Variants in RGS7 observed in about 807,000 individuals in gnomAD.
The protein encoded by RGS7 is regulator of G-protein signaling 7.
In RGS7, 27 loss-of-function variants were observed where a neutral mutation model predicts 81.1. The observed-to-expected ratio is 0.33, with a 90% CI of 0.25 to 0.46. The LOEUF (loss-of-function observed/expected upper bound fraction) is 0.46. RGS7 is among the 20% of genes least tolerant of loss of function. RGS7 has a pLI of 1.00. For synonymous variants in RGS7, 208 were observed against 207.7 expected, an observed-to-expected ratio of 1.00 and a Z score of -0.01; for missense variants, 396 against 607.4, an observed-to-expected ratio of 0.65 and a Z score of 3.66.
intron 6 of RGS7, among the ~76,000 whole-genome samples, chr1:240,901,918 T>C (rs1028823081): frequency 6.6e-6 from 1 of 152,252 alleles, no homozygotes; most frequent in Non-Finnish European, 1.5e-5. Context: ...CACCTAGTAA[T>C]GTATTGTTAC....
intron 6 of RGS7, among the ~76,000 whole-genome samples, chr1:240,913,355 T>C (rs1672071438): frequency 6.6e-6 from 1 of 152,214 alleles, no homozygotes; most frequent in Admixed American, 6.5e-5. Flanking sequence ...TTTTAGTCCT[T>C]GTATATATAA....
rs75926948 is a variant in RGS7 at position 240,980,654 on chromosome 1, C to A, written c.226+2425G>T. 2.0e-3 allele frequency among the ~76,000 whole-genome samples: 304 copies of A among 152,312 alleles called. 8 individuals are homozygous for A. The East Asian group carries it at 0.052, about 26-fold the overall frequency. On this transcript the variant is annotated intron_variant, in intron 4 of 18. Transcript: ENST00000440928. ...ATAATATCAGCTACATTATTAACCA[C>A]ATCAAATTGGGATCAGAATAGCCAC...
rs528002123 is a variant in RGS7 at position 241,230,124 on chromosome 1, T to C, written c.78+125575A>G. Among the ~76,000 whole-genome samples the C allele has an allele frequency of 5.3e-5, 8 of 152,204 alleles. No individual in the cohort carries two copies. The South Asian group carries it at 1.7e-3, about 31-fold the overall frequency. ...TAATATAAATCTGACTTTTCTAACC[T>C]TGCCTTATACTTCTTGGAAATTCCT... On this transcript the variant is annotated intron_variant, in intron 2 of 18. Transcript: ENST00000440928.
chr1:241,036,859 C>A lies in RGS7; in HGVS notation c.176-53730G>T, dbSNP rs1227649343. 2.6e-5 allele frequency among the ~76,000 whole-genome samples: 4 copies of A among 152,230 alleles called. No homozygotes were observed. The East Asian group carries it at 7.7e-4, about 29-fold the overall frequency. Reference sequence around the variant, plus strand: ...TTAGTCCTTCTCTATAAAAAACCTCCAAGGTGTCAACCTCCAGTTATTTTT... The same window carrying A: ...TTAGTCCTTCTCTATAAAAAACCTCAAAGGTGTCAACCTCCAGTTATTTTT... On this transcript the variant is annotated intron_variant, in intron 3 of 18. Transcript: ENST00000440928.
At chr1:240,911,810 T>C (rs1190257700) in intron 6 of RGS7, among the ~76,000 whole-genome samples, 1 of 152,112 alleles carries the variant, frequency 6.6e-6, no homozygotes, top group Non-Finnish European at 1.5e-5. Flanking sequence ...TCTATCTGAC[T>C]GTGATTTTTC....
rs1018405854 is a variant in RGS7 at position 240,930,898 on chromosome 1, T to C, written c.334-130A>G. On this transcript the variant is annotated intron_variant, in intron 5 of 18. Coordinates refer to ENST00000440928, the MANE Select transcript of RGS7 (RefSeq NM_001364886.1). ...GCTATATGTTTTATAATACAGAACA[T>C]GTTCCAAGAGAGACATTGAAAACTC... The C allele has an allele frequency of 3.8e-5, 36 of 938,850 alleles. 1 individual carries two copies. The highest frequency in any genetic ancestry group is 2.6e-4 in the African/African-American group (16 of 60,584). 58.2% of individuals were successfully genotyped at this position (938,850 alleles called of 1,614,324 possible). A position where few individuals can be genotyped will look rare whatever the true frequency, so the allele number is the denominator to read the frequency against.
intron 18 of RGS7, among the ~76,000 whole-genome samples, chr1:240,798,250 A>G (rs1687402134): frequency 6.6e-6 from 1 of 152,206 alleles, no homozygotes; most frequent in African/African-American, 2.4e-5. Flanking sequence ...GCTGTTTATT[A>G]TAATTTTTCT....
intron 2 of RGS7, among the ~76,000 whole-genome samples, chr1:241,228,485 T>C (rs940819558): frequency 5.9e-5 from 9 of 152,190 alleles, no homozygotes; most frequent in Non-Finnish European, 1.0e-4. Flanking sequence ...ACTATGGGCA[T>C]TGAGCCCGCT....
intron 2 of RGS7, among the ~76,000 whole-genome samples, chr1:241,150,796 T>C (rs757107446): frequency 7.9e-5 from 12 of 152,154 alleles, no homozygotes; most frequent in Non-Finnish European, 1.3e-4. Context: ...TTCTGCAAAC[T>C]GGAGAACCAG....
intron 2 of RGS7, among the ~76,000 whole-genome samples, chr1:241,300,569 C>T (rs1306162653): frequency 2.6e-5 from 4 of 152,240 alleles, no homozygotes; most frequent in Non-Finnish European, 4.4e-5. Flanking sequence ...ATTTAAGGTT[C>T]TTCCACGTCT....
chr1:240,952,977 T>G (rs967883298), intron 4 of RGS7, among the ~76,000 whole-genome samples: 1 of 151,918 alleles, frequency 6.6e-6, no homozygotes, highest in African/African-American at 2.4e-5. Flanking sequence ...TCTAAAGAGA[T>G]CAATTCTTCA....
At chr1:241,238,338 G>A (rs2076090904) in intron 2 of RGS7, among the ~76,000 whole-genome samples, 1 of 152,192 alleles carries the variant, frequency 6.6e-6, no homozygotes, top group Admixed American at 6.5e-5. Context: ...TATAGATAAT[G>A]CTTTTGTGAC....
chr1:241,115,244 T>C (rs1350532574), intron 2 of RGS7, among the ~76,000 whole-genome samples: 1 of 152,170 alleles, frequency 6.6e-6, no homozygotes. Context: ...GAATAAACTC[T>C]TTAAAACTAG....
At chr1:240,827,015 T>G in intron 10 of RGS7, 83 bp downstream of exon 10, 7 of 1,099,206 alleles carry the variant, frequency 6.4e-6, no homozygotes, top group Non-Finnish European at 8.4e-6. Flanking sequence ...CTGCATGACA[T>G]GAGAAGAAAG....
chr1:241,178,853 C>T (rs555270433), intron 2 of RGS7, among the ~76,000 whole-genome samples: 2 of 152,188 alleles, frequency 1.3e-5, no homozygotes, highest in Non-Finnish European at 2.9e-5. Context: ...CCATTTATAA[C>T]TTGTGCATCA....
chr1:240,995,837 T>C (rs2148608940), intron 3 of RGS7, among the ~76,000 whole-genome samples: 1 of 152,162 alleles, frequency 6.6e-6, no homozygotes, highest in South Asian at 2.1e-4. Flanking sequence ...CTTTATTATT[T>C]TCTTACGCTT....
intron 3 of RGS7, among the ~76,000 whole-genome samples, chr1:241,058,587 C>T (rs1166826594): frequency 2.0e-5 from 3 of 152,224 alleles, no homozygotes; most frequent in Non-Finnish European, 4.4e-5. Flanking sequence ...CCACAGCTAA[C>T]ATATTTTGTT....
intron 18 of RGS7, among the ~76,000 whole-genome samples, chr1:240,787,047 T>C (rs1685195499): frequency 6.6e-6 from 1 of 152,202 alleles, no homozygotes; most frequent in Non-Finnish European, 1.5e-5. Flanking sequence ...TTCAGACTTT[T>C]ATGAGCACTG....
rs142926797 is a variant in RGS7 at position 240,932,071 on chromosome 1, C to A, written c.334-1303G>T. On this transcript the variant is annotated intron_variant, in intron 5 of 18. Coordinates refer to ENST00000440928, the MANE Select transcript of RGS7 (RefSeq NM_001364886.1). ...CATATTTGGAGTCATCTCTGATTAT[C>A]TGATCATTTTCCCCTCTAGAAGAGA... Among the ~76,000 whole-genome samples the A allele has an allele frequency of 2.4e-3, 361 of 152,276 alleles. 3 individuals carry two copies. Among genetic ancestry groups the A allele is most frequent in the African/African-American group, 8.5e-3 (353 of 41,552 alleles).
Sources: allele counts gnomAD v4.1 joint callset (sites outside exome capture counted in the v4.1 genomes callset), GRCh38; gene constraint gnomAD v4.1.1; transcripts MANE v1.5; gene names NCBI Gene and HGNC (gene_info 2026-07-23, HGNC 2026-07-21).